Variants in TAB1 observed in about 807,000 individuals in gnomAD.
TAB1 encodes the protein TGF-beta-activated kinase 1 and MAP3K7-binding protein 1.
In TAB1, 30 loss-of-function variants were observed where a neutral mutation model predicts 54.5. The ratio of observed to expected loss-of-function variants is 0.55; its 90% CI spans 0.41 to 0.75. TAB1 has a LOEUF of 0.75. Among genes scored for constraint, TAB1 ranks in the 30% least tolerant of loss-of-function variants. The pLI is 0.00. For synonymous variants in TAB1, 289 were observed against 286.9 expected, an observed-to-expected ratio of 1.01 and a Z score of -0.07; for missense variants, 609 against 683.2, an observed-to-expected ratio of 0.89 and a Z score of 1.21.
At chr22:39,421,709 C>A in intron 7 of TAB1, 118 bp from the exon 8 acceptor site, 2 of 1,082,854 alleles carry the variant, frequency 1.8e-6, no homozygotes, top group Non-Finnish European at 2.7e-6. Flanking sequence ...TTCTTTTCCT[C>A]TTGTCAGGTT....
At chr22:39,433,597 T>C (rs567586742), downstream of TAB1, 13 of 985,392 alleles carry the variant, frequency 1.3e-5, no homozygotes, top group Non-Finnish European at 3.6e-6. Flanking sequence ...CCATCCTCAC[T>C]AGGAGTTGTA....
chr22:39,400,900 G>A (rs1482451345), intron 1 of TAB1, among the ~76,000 whole-genome samples: 1 of 152,072 alleles, frequency 6.6e-6, no homozygotes, highest in Non-Finnish European at 1.5e-5. Context: ...CGAGCGTGGT[G>A]GGGGCGCCTG....
In TAB1 at chr22:39,431,172, C is replaced by T. The variant is rs1426628373; in HGVS notation, c.*950C>T. ...AAGAAAGAGGAGTGGAAAATGGTTC[C>T]AGGAGGGAAGAGGTTCTTTGAGACA... is the stretch of plus-strand genomic sequence containing the variant. On this transcript the variant is annotated 3_prime_UTR_variant, in exon 11 of 11. Transcript: ENST00000216160. The T allele has an allele frequency of 1.0e-6, 1 of 985,676 alleles. No homozygotes were observed. The highest frequency in any genetic ancestry group is 5.2e-4 in the Middle Eastern group (1 of 1,914). 61.1% of individuals were successfully genotyped at this position (985,676 alleles called of 1,614,324 possible).
At chr22:39,419,268 C>T (rs1428247861) in intron 6 of TAB1, among the ~76,000 whole-genome samples, 6 of 152,130 alleles carry the variant, frequency 3.9e-5, no homozygotes, top group Non-Finnish European at 7.3e-5. Flanking sequence ...GGCAGGGAGA[C>T]GGCAGGCAAG....
At chr22:39,404,565 TAAA>T (rs956258923) in intron 1 of TAB1, among the ~76,000 whole-genome samples, 1 of 143,408 alleles carries the variant, frequency 7.0e-6, no homozygotes, top group African/African-American at 2.6e-5. Context: ...AAGACCTGTT[TAAA>T]AAAAAAAAAA....
chr22:39,435,822 GA>G (rs1410067728), downstream of TAB1, among the ~76,000 whole-genome samples: 1 of 152,144 alleles, frequency 6.6e-6, no homozygotes, highest in Non-Finnish European at 1.5e-5. Flanking sequence ...AGGTGGGGCT[GA>G]CAGCCTCCCA....
chr22:39,406,496 C>T (rs35349798), intron 1 of TAB1, among the ~76,000 whole-genome samples: 2 of 151,930 alleles, frequency 1.3e-5, no homozygotes, highest in African/African-American at 4.8e-5. Flanking sequence ...GGCCTCTGGC[C>T]CTAGTTGGAT....
downstream of TAB1, chr22:39,432,394 T>A (rs978224885): frequency 3.3e-5 from 5 of 152,230 alleles, no homozygotes; most frequent in African/African-American, 1.2e-4. Flanking sequence ...TAAGAACTCA[T>A]CCCTCTAAGA....
downstream of TAB1, chr22:39,433,178 G>C: frequency 1.0e-6 from 1 of 985,382 alleles, no homozygotes; most frequent in Non-Finnish European, 1.2e-6. Context: ...TCGGCCGGGC[G>C]CGGTGGCTCA....
Position 39,430,998 on chromosome 22 carries a change from TG to T in TAB1, c.*778del. 1 of 986,254 alleles carries T rather than the reference TG, an allele frequency of 1.0e-6. No homozygotes were observed. The highest frequency in any genetic ancestry group is 1.2e-6 in the Non-Finnish European group (1 of 830,574). The allele number at this position is 986,254 out of a possible 1,614,324, so 61.1% of individuals were successfully genotyped here. ...TCGTCAGGCCTGAGCCAGGGTGAGCTGGTGCCTGCCTTGCATTTTCCTTCTG... is the reference window on the plus strand; with the variant it reads ...TCGTCAGGCCTGAGCCAGGGTGAGCTGTGCCTGCCTTGCATTTTCCTTCTG... On this transcript the variant is annotated 3_prime_UTR_variant, in exon 11 of 11. Transcript: ENST00000216160.
chr22:39,400,774 G>A (rs551841732), intron 1 of TAB1, among the ~76,000 whole-genome samples: 1 of 152,308 alleles, frequency 6.6e-6, no homozygotes, highest in African/African-American at 2.4e-5. Flanking sequence ...GGTGGCTCAT[G>A]CCTGTAATCC....
At chr22:39,410,592 G>A (rs987316212) in intron 1 of TAB1, among the ~76,000 whole-genome samples, 5 of 151,286 alleles carry the variant, frequency 3.3e-5, no homozygotes, top group African/African-American at 9.7e-5. Context: ...CCATTAGTAG[G>A]GTTTGGTTAT....
At chr22:39,435,704 C>G (rs1184623277), downstream of TAB1, among the ~76,000 whole-genome samples, 2 of 152,176 alleles carry the variant, frequency 1.3e-5, no homozygotes, top group Non-Finnish European at 2.9e-5. Flanking sequence ...TGAGCAGCCA[C>G]CGCACACACT....
chr22:39,416,884 T>TC lies in TAB1; in HGVS notation c.411+11dup, dbSNP rs1926856520. 2 of 1,613,896 alleles carry TC rather than the reference T, an allele frequency of 1.2e-6. No individual in the cohort carries two copies. The highest frequency in any genetic ancestry group is 2.7e-5 in the African/African-American group (2 of 74,868). On this transcript the variant is annotated splice_region_variant and intron_variant, in intron 4 of 10. Transcript: ENST00000216160. ...CCAGTCGCAATTGCCAGAGGTAATT[T>TC]CCCCAGCCGACACCCAGGGGAGTCA...
chr22:39,414,534 C>T (rs577264750), intron 1 of TAB1, among the ~76,000 whole-genome samples: 8 of 152,024 alleles, frequency 5.3e-5, no homozygotes, highest in Middle Eastern at 3.4e-3. Flanking sequence ...CCATGGGGAG[C>T]GGCCTGCACT....
chr22:39,414,738 T>G, intron 1 of TAB1: 1 of 421,314 alleles, frequency 2.4e-6, no homozygotes, highest in Non-Finnish European at 4.3e-6. Context: ...TCATAACGGC[T>G]CACTCCTGGA....
intron 8 of TAB1, among the ~76,000 whole-genome samples, chr22:39,422,337 A>G (rs1464314742): frequency 1.3e-5 from 2 of 151,452 alleles, no homozygotes; most frequent in African/African-American, 4.8e-5. Flanking sequence ...ACTTCCTGCC[A>G]AGGGCCTGAC....
intron 1 of TAB1, among the ~76,000 whole-genome samples, chr22:39,412,713 T>TAA (rs902111190): frequency 1.4e-4 from 22 of 152,092 alleles, no homozygotes; most frequent in Admixed American, 2.6e-4. Context: ...ACAGGCTTTT[T>TAA]ATATATATGA....
intron 5 of TAB1, 137 bp from the exon 6 acceptor site, chr22:39,418,595 C>A: frequency 1.5e-6 from 1 of 652,222 alleles, no homozygotes; most frequent in East Asian, 2.8e-5. Flanking sequence ...GTGACTCACC[C>A]CGTTGGTCTG....
Sources: allele counts gnomAD v4.1 joint callset (sites outside exome capture counted in the v4.1 genomes callset), GRCh38; gene constraint gnomAD v4.1.1; transcripts MANE v1.5; gene names NCBI Gene and HGNC (gene_info 2026-07-23, HGNC 2026-07-21).